Variants in DDX20 observed in about 807,000 individuals in gnomAD.
DDX20 encodes the protein probable ATP-dependent RNA helicase DDX20.
In DDX20, 61 loss-of-function variants were observed where a neutral mutation model predicts 76.4. That is an observed-to-expected ratio of 0.80 (90% confidence interval 0.65 to 0.99). The LOEUF is 0.99. Ranked by LOEUF, DDX20 falls within the 50% of genes least tolerant of loss-of-function variation. The probability of loss-of-function intolerance (pLI) is 0.00; values close to 1 mark genes in which losing one functional copy is unlikely to be tolerated. For missense variants in DDX20, 976 were observed against 996.8 expected (o/e 0.98, Z 0.28); for synonymous variants, 357 against 357.4 (o/e 1.00, Z 0.01).
intron 3 of DDX20, among the ~76,000 whole-genome samples, chr1:111,760,126 G>A (rs574511926): frequency 6.6e-6 from 1 of 152,286 alleles, no homozygotes; most frequent in East Asian, 1.9e-4. Context: ...GAAATGCAGT[G>A]ACTTTCAGGA....
intron 7 of DDX20, chr1:111,761,538 CTT>C: frequency 3.0e-6 from 1 of 335,742 alleles, no homozygotes; most frequent in East Asian, 5.3e-5. Context: ...TAGAATCTCT[CTT>C]ATAGCCACAT....
rs1663783962 is a variant in DDX20 at position 111,766,503 on chromosome 1, T to C, written c.2079T>C (p.Arg693=). The C allele has an allele frequency of 1.2e-6, 2 of 1,614,198 alleles. No individual in the cohort carries two copies. Among genetic ancestry groups the C allele is most frequent in the Non-Finnish European group, 8.5e-7 (1 of 1,180,014 alleles). ...KDSESTPVDD[R]ISLEQPPNGS... ...CTGAATCTACGCCTGTGGATGATCG[T>C]ATTTCTTTGGAACAACCACCAAATG... The change falls in exon 11 of 11, where the codon CGT becomes CGC. Residue 693 remains arginine, a synonymous_variant. Coordinates refer to ENST00000369702, the MANE Select transcript of DDX20 (RefSeq NM_007204.5).
chr1:111,756,795 T>G, intron 2 of DDX20, 55 bp downstream of exon 2: 1 of 1,353,368 alleles, frequency 7.4e-7, no homozygotes, highest in Non-Finnish European at 1.1e-6. Context: ...TTACCACAGG[T>G]CAGATGAAAT....
chr1:111,758,153 C>T (rs144568672), intron 2 of DDX20, among the ~76,000 whole-genome samples: 40 of 152,184 alleles, frequency 2.6e-4, no homozygotes, highest in Admixed American at 7.2e-4. Context: ...CCACCATGCC[C>T]GGCAAATTCA....
chr1:111,757,078 C>G (rs1393181849), intron 2 of DDX20, among the ~76,000 whole-genome samples: 1 of 148,902 alleles, frequency 6.7e-6, no homozygotes, highest in Non-Finnish European at 1.5e-5. Flanking sequence ...TTTTTTGAGA[C>G]GGTGTCGCTT....
rs1220346705 is a variant in DDX20, at chr1:111,767,728, G to T, written c.*829G>T. On this transcript the variant is annotated 3_prime_UTR_variant, in exon 11 of 11. Coordinates refer to ENST00000369702, the MANE Select transcript of DDX20 (RefSeq NM_007204.5). ...CAGAATTGTGAGTGTAATTTCAAGG[G>T]GTTCATAGACCCTCTGAAGTTCATC... The T allele has an allele frequency of 6.6e-6, 1 of 152,074 alleles. No homozygotes were observed. Among genetic ancestry groups the T allele is most frequent in the Admixed American group, 6.5e-5 (1 of 15,268 alleles). 9.4% of individuals were successfully genotyped at this position (152,074 alleles called of 1,614,324 possible).
Position 111,766,131 on chromosome 1 carries a change from T to G in DDX20, c.1707T>G (p.Pro569=), listed in dbSNP as rs1663773676. 6.2e-7 allele frequency: 1 copy of G among 1,614,222 alleles called. No individual in the cohort carries two copies. Among genetic ancestry groups the G allele is most frequent in the Non-Finnish European group, 8.5e-7 (1 of 1,180,034 alleles). The part of the protein sequence containing the change: ...NSQHQVKEAL[P]VSLPQIPCLS... ...AGCACCAGGTCAAAGAAGCTTTACCTGTGTCACTCCCCCAGATTCCTTGTC... is the reference window on the plus strand; with the variant it reads ...AGCACCAGGTCAAAGAAGCTTTACCGGTGTCACTCCCCCAGATTCCTTGTC... The change falls in exon 11 of 11, where the codon CCT becomes CCG. Residue 569 remains proline (P), a synonymous_variant. Coordinates refer to ENST00000369702, the MANE Select transcript of DDX20 (RefSeq NM_007204.5).
At chr1:111,763,737 G>A (rs1557923196) in intron 10 of DDX20, among the ~76,000 whole-genome samples, 1 of 152,174 alleles carries the variant, frequency 6.6e-6, no homozygotes. Flanking sequence ...CATGTGGAAA[G>A]AACAGCATCT....
chr1:111,760,879 T>C, intron 5 of DDX20, 31 bp downstream of exon 5: 2 of 1,595,436 alleles, frequency 1.3e-6, no homozygotes, highest in Non-Finnish European at 1.7e-6. Context: ...CTTATATTAT[T>C]GGTTTATTTG....
Position 111,766,283 on chromosome 1 carries a change from G to A in DDX20, c.1859G>A (p.Gly620Glu), listed in dbSNP as rs765992412. The A allele has an allele frequency of 1.2e-6, 2 of 1,614,120 alleles. No individual in the cohort carries two copies. The highest frequency in any genetic ancestry group is 1.7e-6 in the Non-Finnish European group (2 of 1,180,012). The change falls in exon 11 of 11, where the codon GGG (glycine) becomes GAG (glutamate). Residue 620 changes from glycine to glutamate, a missense_variant. By Grantham distance (98) the Gly-to-Glu change is moderately conservative. Transcript: ENST00000369702. ...VEIIRHYTGP[G>E]DQTVNPQNGF... ...ATCATCAGGCACTACACAGGCCCTG[G>A]GGATCAGACTGTGAATCCTCAAAAT...
chr1:111,763,583 AAAAG>A (rs1412049469), intron 10 of DDX20, among the ~76,000 whole-genome samples: 6 of 151,958 alleles, frequency 3.9e-5, no homozygotes, highest in South Asian at 2.1e-4. Flanking sequence ...AAAAAAAAAA[AAAAG>A]AAAGAAAAAT....
chr1:111,756,743 G>C lies in DDX20; in HGVS notation c.396+3G>C. 2 of 1,611,806 alleles carry C rather than the reference G, an allele frequency of 1.2e-6. No homozygotes were observed. The highest frequency in any genetic ancestry group is 1.7e-6 in the Non-Finnish European group (2 of 1,177,910). ...TTCTTGAAAACTTAAGTACCCAGGT[G>C]AGTTAGCTGAGAGGACCAGAGGAGG... is the stretch of plus-strand genomic sequence containing the variant. On this transcript the variant is annotated splice_donor_region_variant and intron_variant, in intron 2 of 10. Coordinates refer to ENST00000369702, the MANE Select transcript of DDX20 (RefSeq NM_007204.5).
At chr1:111,757,106 T>C (rs1663577395) in intron 2 of DDX20, among the ~76,000 whole-genome samples, 2 of 151,150 alleles carry the variant, frequency 1.3e-5, no homozygotes, top group African/African-American at 4.9e-5. Flanking sequence ...TAGGCTGGAG[T>C]GCAGTGGCGG....
At chr1:111,759,307 T>G in intron 2 of DDX20, 93 bp from the exon 3 acceptor site, 1 of 943,998 alleles carries the variant, frequency 1.1e-6, no homozygotes, top group Non-Finnish European at 1.5e-6. Context: ...AATGATCATT[T>G]AAATGAAATA....
At chr1:111,764,144 A>G (rs1303514658) in intron 10 of DDX20, among the ~76,000 whole-genome samples, 2 of 152,016 alleles carry the variant, frequency 1.3e-5, no homozygotes, top group African/African-American at 4.8e-5. Flanking sequence ...TTAGCCGGGC[A>G]TGGTGGTGGG....
At chr1:111,765,687 G>A (rs917702234) in intron 10 of DDX20, 50 bp from the exon 11 acceptor site, 27 of 1,461,006 alleles carry the variant, frequency 1.8e-5, no homozygotes, top group Non-Finnish European at 2.5e-5. Flanking sequence ...GAAAACAGTG[G>A]TCTAGAGTAG....
intron 2 of DDX20, 54 bp from the exon 3 acceptor site, chr1:111,759,346 C>A: frequency 7.6e-7 from 1 of 1,311,684 alleles, no homozygotes; most frequent in Non-Finnish European, 1.1e-6. Context: ...ATATACCAGT[C>A]CCCTATGTAT....
In DDX20 at chr1:111,761,113, A is replaced by C; in HGVS notation, c.950A>C (p.Asn317Thr). 6.2e-7 allele frequency: 1 copy of C among 1,613,548 alleles called. No individual in the cohort carries two copies. The highest frequency in any genetic ancestry group is 1.7e-4 in the Middle Eastern group (1 of 6,058). ...TTTAATCAAGCTTTAGTCTTTTCTA[A>C]TTTGCACAGCAGGTAATGTAACTTA... ...IPFNQALVFS[N>T]LHSRAQHLAD... The change falls in exon 6 of 11, where the codon AAT becomes ACT. Residue 317 changes from asparagine to threonine, a missense_variant. Physicochemically the swap from Asn to Thr is moderately conservative, Grantham distance 65. Coordinates refer to ENST00000369702, the MANE Select transcript of DDX20 (RefSeq NM_007204.5).
At chr1:111,763,082 A>G in intron 10 of DDX20, 75 bp downstream of exon 10, 1 of 1,191,542 alleles carries the variant, frequency 8.4e-7, no homozygotes, top group Non-Finnish European at 1.2e-6. Flanking sequence ...AATAATAGCT[A>G]ACAGAGTGCT....
Sources: allele counts gnomAD v4.1 joint callset (sites outside exome capture counted in the v4.1 genomes callset), GRCh38; gene constraint gnomAD v4.1.1; transcripts MANE v1.5; gene names NCBI Gene and HGNC (gene_info 2026-07-23, HGNC 2026-07-21).